Variants in COMMD1 observed in about 807,000 individuals in gnomAD.
COMMD1 encodes copper metabolism domain containing 1.
Under a neutral mutation model 17.2 loss-of-function variants are expected in COMMD1, and 10 were observed. That is an observed-to-expected ratio of 0.58 (90% CI 0.36 to 0.99). The LOEUF is 0.99. Ranked by LOEUF, COMMD1 falls within the 50% of genes least tolerant of loss-of-function variation. The pLI, the probability that COMMD1 is intolerant of heterozygous loss-of-function variation, is 0.01. For synonymous variants in COMMD1, 97 were observed against 91.6 expected, an observed-to-expected ratio of 1.06 and a Z score of -0.34; for missense variants, 270 against 231.8, an observed-to-expected ratio of 1.17 and a Z score of -1.07.
chr2:62,114,310 T>C (rs572839245), intron 2 of COMMD1, among the ~76,000 whole-genome samples: 36 of 152,296 alleles, frequency 2.4e-4, no homozygotes, highest in Non-Finnish European at 4.3e-4. Flanking sequence ...AATAATTTTA[T>C]TGGTATTTTC....
chr2:61,930,538 A>T (rs1006326486), intron 1 of COMMD1, among the ~76,000 whole-genome samples: 1 of 152,132 alleles, frequency 6.6e-6, no homozygotes, highest in African/African-American at 2.4e-5. Flanking sequence ...CCTGGGTGAC[A>T]GAGCAAGACT....
At chr2:61,996,296 CTT>C (rs960446750) in intron 1 of COMMD1, among the ~76,000 whole-genome samples, 1 of 148,204 alleles carries the variant, frequency 6.7e-6, no homozygotes, top group African/African-American at 2.5e-5. Flanking sequence ...GCCTTGATGT[CTT>C]GTTTTTGTTT....
At chr2:62,102,143 T>C (rs147257980) in intron 2 of COMMD1, among the ~76,000 whole-genome samples, 157 of 152,316 alleles carry the variant, frequency 1.0e-3, no homozygotes, top group African/African-American at 3.7e-3. Context: ...ACAAAGACCA[T>C]ACATATTTCC....
chr2:62,021,523 A>G (rs1669614340), intron 2 of COMMD1, among the ~76,000 whole-genome samples: 1 of 152,160 alleles, frequency 6.6e-6, no homozygotes, highest in Non-Finnish European at 1.5e-5. Flanking sequence ...GATTGGAGAA[A>G]TGGAAAGTAC....
intron 1 of COMMD1, among the ~76,000 whole-genome samples, chr2:61,991,880 CAGCCCAGTGTTTCT>C (rs1218793660): frequency 6.6e-6 from 1 of 152,108 alleles, no homozygotes; most frequent in Non-Finnish European, 1.5e-5. Flanking sequence ...CAAACATATC[CAGCCCAGTGTTTCT>C]TTTTTTGTAG....
At chr2:61,951,568 C>G (rs1418461623) in intron 1 of COMMD1, among the ~76,000 whole-genome samples, 1 of 151,976 alleles carries the variant, frequency 6.6e-6, no homozygotes. Flanking sequence ...ATATTGAAAT[C>G]TTTCTAAAAT....
intron 2 of COMMD1, among the ~76,000 whole-genome samples, chr2:62,061,848 A>G (rs1453369653): frequency 6.6e-6 from 1 of 152,064 alleles, no homozygotes. Flanking sequence ...AAGTATCTAC[A>G]GTAACCTTGT....
chr2:61,909,892 C>G (rs1408595408), intron 1 of COMMD1, among the ~76,000 whole-genome samples: 1 of 152,188 alleles, frequency 6.6e-6, no homozygotes, highest in Non-Finnish European at 1.5e-5. Context: ...TTCAGGTGCT[C>G]CCTGAGCTGT....
intron 2 of COMMD1, among the ~76,000 whole-genome samples, chr2:62,034,192 GTTCT>G (rs1182426107): frequency 6.6e-6 from 1 of 151,830 alleles, no homozygotes; most frequent in East Asian, 1.9e-4. Context: ...TTTTAGTTTG[GTTCT>G]TTGTTTCCAT....
At chr2:61,963,772 G>C (rs567295971) in intron 1 of COMMD1, among the ~76,000 whole-genome samples, 3 of 152,220 alleles carry the variant, frequency 2.0e-5, no homozygotes, top group Non-Finnish European at 2.9e-5. Context: ...TTGGTAGTTT[G>C]TATCAGAATT....
intron 2 of COMMD1, among the ~76,000 whole-genome samples, chr2:62,042,751 A>C (rs1182243890): frequency 6.6e-6 from 1 of 152,136 alleles, no homozygotes; most frequent in East Asian, 1.9e-4. Flanking sequence ...GCAAGTTGTC[A>C]ACTCTCACTA....
intron 2 of COMMD1, among the ~76,000 whole-genome samples, chr2:62,027,570 T>C (rs1669792389): frequency 2.6e-5 from 4 of 152,230 alleles, no homozygotes; most frequent in African/African-American, 9.6e-5. Flanking sequence ...ATCTTCAGTA[T>C]AATTTTGTGA....
At chr2:62,010,734 T>C (rs1669254104) in intron 2 of COMMD1, among the ~76,000 whole-genome samples, 1 of 152,136 alleles carries the variant, frequency 6.6e-6, no homozygotes, top group Admixed American at 6.6e-5. Context: ...GGGTCTGTTT[T>C]TAAAATATAT....
chr2:61,958,822 C>T (rs1671264737), intron 1 of COMMD1, among the ~76,000 whole-genome samples: 1 of 151,996 alleles, frequency 6.6e-6, no homozygotes, highest in Admixed American at 6.6e-5. Context: ...ATTGTATAGT[C>T]ATACCATATT....
rs368758855 is a variant in COMMD1 at position 61,953,574 on chromosome 2, TC to T, written c.181-47123del. Among the ~76,000 whole-genome samples the T allele has an allele frequency of 5.0e-3, 759 of 151,852 alleles. 9 individuals carry two copies. Among genetic ancestry groups the T allele is most frequent in the African/African-American group, 0.016 (678 of 41,436 alleles). On this transcript the variant is annotated intron_variant, in intron 1 of 2. Coordinates refer to ENST00000311832, the MANE Select transcript of COMMD1 (RefSeq NM_152516.4). ...TAGTAGAGACAGGGTTTCACCATGT[TC>T]CCCAGGCTGGTCTTGAACACCTGAG...
At chr2:61,895,608 C>T (rs758784735) in intron 1 of COMMD1, among the ~76,000 whole-genome samples, 15 of 152,090 alleles carry the variant, frequency 9.9e-5, no homozygotes, top group Non-Finnish European at 1.6e-4. Flanking sequence ...CAATCCTGCC[C>T]GCAAAGAGAC....
intron 1 of COMMD1, among the ~76,000 whole-genome samples, chr2:61,926,357 A>T (rs986954338): frequency 1.3e-5 from 2 of 152,190 alleles, no homozygotes; most frequent in Non-Finnish European, 2.9e-5. Context: ...GATTTTAGTT[A>T]TTTGTCTTTG....
At chr2:61,954,249 C>A (rs1166517761) in intron 1 of COMMD1, among the ~76,000 whole-genome samples, 1 of 151,872 alleles carries the variant, frequency 6.6e-6, no homozygotes, top group Non-Finnish European at 1.5e-5. Context: ...CTGGGAATAG[C>A]CATCCAGGAG....
intron 2 of COMMD1, among the ~76,000 whole-genome samples, chr2:62,021,992 T>C (rs539800796): frequency 7.1e-5 from 2 of 28,248 alleles, no homozygotes; most frequent in Non-Finnish European, 1.1e-4. Context: ...TTTTATAAAC[T>C]CCTATTTTTT....
Sources: allele counts gnomAD v4.1 joint callset (sites outside exome capture counted in the v4.1 genomes callset), GRCh38; gene constraint gnomAD v4.1.1; transcripts MANE v1.5; gene names NCBI Gene and HGNC (gene_info 2026-07-23, HGNC 2026-07-21).